The following CIITA variants were observed in gnomAD, a reference collection of about 807,000 sequenced individuals.
CIITA encodes class II major histocompatibility complex transactivator.
Under a neutral mutation model 115.1 loss-of-function variants are expected in CIITA, and 72 were observed. That is an observed-to-expected ratio of 0.63 (90% CI 0.52 to 0.76). The LOEUF is 0.76. Ranked by LOEUF, CIITA falls within the 30% of genes least tolerant of loss-of-function variation. The pLI is 0.00. For synonymous variants in CIITA, 763 were observed against 635.6 expected, an observed-to-expected ratio of 1.20 and a Z score of -3.02; for missense variants, 1,617 against 1,463.8, an observed-to-expected ratio of 1.10 and a Z score of -1.71.
At position 10,930,191 on chromosome 16, in the gene CIITA, C is replaced by G. The variant is rs1596642229; in HGVS notation, c.*6336C>G. On this transcript the variant is annotated 3_prime_UTR_variant, in exon 20 of 20. Coordinates refer to ENST00000324288, the MANE Select transcript of CIITA (RefSeq NM_000246.4). Reference sequence around the variant, plus strand: ...CCATGCCCAACCCCTCTGCAGCCCCCTCAAGCCCTGCTCTGATTCCAAGCC... The same window carrying G: ...CCATGCCCAACCCCTCTGCAGCCCCGTCAAGCCCTGCTCTGATTCCAAGCC... 6.6e-6 allele frequency: 1 copy of G among 152,496 alleles called. No individual in the cohort carries two copies. The highest frequency in any genetic ancestry group is 1.9e-4 in the East Asian group (1 of 5,190). 9.4% of individuals were successfully genotyped at this position (152,496 alleles called of 1,614,324 possible).
Position 10,926,889 on chromosome 16 carries a change from CAG to C in CIITA, c.*3036_*3037del. 1 of 152,366 alleles carries C rather than the reference CAG, an allele frequency of 6.6e-6. No homozygotes were observed. The highest frequency in any genetic ancestry group is 3.4e-3 in the Middle Eastern group (1 of 294). 9.4% of individuals were successfully genotyped at this position (152,366 alleles called of 1,614,324 possible). On this transcript the variant is annotated 3_prime_UTR_variant, in exon 20 of 20. Coordinates refer to ENST00000324288, the MANE Select transcript of CIITA (RefSeq NM_000246.4). ...CAGTGCAAGGGAAATTCAAAGCGCTCAGAAAGTATTAGCTCAATAAGTGATGA... is the reference window on the plus strand; with the variant it reads ...CAGTGCAAGGGAAATTCAAAGCGCTCAAAGTATTAGCTCAATAAGTGATGA...
Position 10,941,775 on chromosome 16 carries a change from G to A in CIITA, n.901G>A, listed in dbSNP as rs2041105755. 2 of 1,613,714 alleles carry A rather than the reference G, an allele frequency of 1.2e-6. No individual in the cohort carries two copies. Among genetic ancestry groups the A allele is most frequent in the East Asian group, 4.5e-5 (2 of 44,880 alleles). On this transcript the variant is annotated non_coding_transcript_exon_variant, in exon 2 of 2. Coordinates refer to the CIITA transcript ENST00000573379. The surrounding 1 kb of genome is among the most constrained non-coding windows in gnomAD (Gnocchi z 6.4). Reference sequence around the variant, plus strand: ...CCGAGTCAGCATCGTAAAGGCCCGAGCCGGGGTCGGAGAGCACGCCGAGGT... The same window carrying A: ...CCGAGTCAGCATCGTAAAGGCCCGAACCGGGGTCGGAGAGCACGCCGAGGT...
Position 10,927,782 on chromosome 16 carries a change from G to C in CIITA, c.*3927G>C, listed in dbSNP as rs1287634168. The C allele has an allele frequency of 3.3e-5, 5 of 152,220 alleles. No homozygotes were observed. The highest frequency in any genetic ancestry group is 1.2e-4 in the African/African-American group (5 of 41,450). 9.4% of individuals were successfully genotyped at this position (152,220 alleles called of 1,614,324 possible). The stretch of plus-strand genomic sequence containing the variant: ...GTCACAGATCTAAGTGATACTTATA[G>C]TCACACTCCTATAAAGGAATGGACT... On this transcript the variant is annotated 3_prime_UTR_variant, in exon 20 of 20. Transcript: ENST00000324288.
rs1270907707 is a variant in CIITA, at chr16:10,920,237, ACTTTT to A, written c.3149+1717_3149+1721del. 6.6e-6 allele frequency among the ~76,000 whole-genome samples: 1 copy of A among 152,132 alleles called. No homozygotes were observed. The highest frequency in any genetic ancestry group is 2.4e-5 in the African/African-American group (1 of 41,424). Reference sequence around the variant, plus strand: ...GAAGGCGACACTTGATCTGATTTACACTTTTCTTTTTTCTTTTCTTTTCTTTTTGA... The same window carrying A: ...GAAGGCGACACTTGATCTGATTTACACTTTTTTCTTTTCTTTTCTTTTTGA... On this transcript the variant is annotated intron_variant, in intron 16 of 19. Transcript: ENST00000324288. The surrounding 1 kb of genome is among the most constrained non-coding windows in gnomAD (Gnocchi z 4.5).
At position 10,936,121 on chromosome 16, in the gene CIITA, A is replaced by T. The variant is rs148069744; in HGVS notation, c.*12266A>T. ...TCCTCCTGCCTGAGCCTTCCGAGTA[A>T]CTGGGACTATGGGCGTGTACCACAA... On this transcript the variant is annotated 3_prime_UTR_variant, in exon 20 of 20. Transcript: ENST00000324288. 0.012 allele frequency: 1,843 copies of T among 152,174 alleles called. 18 individuals are homozygous for T. Among genetic ancestry groups the T allele is most frequent in the Non-Finnish European group, 0.02 (1,358 of 68,010 alleles). The allele number at this position is 152,174 out of a possible 1,614,324, so 9.4% of individuals were successfully genotyped here. A position where few individuals can be genotyped will look rare whatever the true frequency, so the allele number is the denominator to read the frequency against.
chr16:10,889,843 A>G (rs1488386678), intron 1 of CIITA, among the ~76,000 whole-genome samples: 1 of 152,208 alleles, frequency 6.6e-6, no homozygotes, highest in Non-Finnish European at 1.5e-5. Context: ...TGATGTTCAG[A>G]GAGGTCAAGT....
Position 10,926,295 on chromosome 16 carries a change from A to C in CIITA, c.*2440A>C, listed in dbSNP as rs748212511. 6.6e-6 allele frequency: 1 copy of C among 152,278 alleles called. No homozygotes were observed. Among genetic ancestry groups the C allele is most frequent in the Non-Finnish European group, 1.5e-5 (1 of 68,060 alleles). The allele number at this position is 152,278 out of a possible 1,614,324, so 9.4% of individuals were successfully genotyped here. On this transcript the variant is annotated 3_prime_UTR_variant, in exon 20 of 20. Transcript: ENST00000324288. ...GTATCAGGTGCTGCCATCCAGGTTCAGCTTGTAAATAGCTCAGGTGTCACC... is the reference window on the plus strand; with the variant it reads ...GTATCAGGTGCTGCCATCCAGGTTCCGCTTGTAAATAGCTCAGGTGTCACC...
At chr16:10,870,635 T>C (rs2035419996) in intron 1 of CIITA, among the ~76,000 whole-genome samples, 1 of 152,222 alleles carries the variant, frequency 6.6e-6, no homozygotes, top group South Asian at 2.1e-4. Context: ...CAGCTCTGGA[T>C]CTGAAGCCAT....
Position 10,901,475 on chromosome 16 carries a change from C to A in CIITA, c.437-39C>A. 2 of 1,612,962 alleles carry A rather than the reference C, an allele frequency of 1.2e-6. No individual in the cohort carries two copies. The highest frequency in any genetic ancestry group is 1.7e-6 in the Non-Finnish European group (2 of 1,179,122). ...CTGAGCCCCTTCTGGCTTGGGACATCCTCTCCCTGGGGCAGCTGATCACAT... is the reference window on the plus strand; with the variant it reads ...CTGAGCCCCTTCTGGCTTGGGACATACTCTCCCTGGGGCAGCTGATCACAT... On this transcript the variant is annotated intron_variant, in intron 5 of 19. Transcript: ENST00000324288. This position sits in a 1 kb window ranked among gnomAD's most constrained non-coding sequence, Gnocchi z 6.8.
chr16:10,900,756 G>A (rs77683691), intron 5 of CIITA, among the ~76,000 whole-genome samples: 3,356 of 151,400 alleles, frequency 0.022, 122 homozygotes, highest in African/African-American at 0.076. Flanking sequence ...AAAAAAAAAT[G>A]TTTTCAAGAT....
In CIITA at chr16:10,901,537, G is replaced by A. The variant is rs76923280; in HGVS notation, c.460G>A (p.Asp154Asn). Reference sequence around the variant, plus strand: ...AGCCTTCCCAGAGGAGCTTCCGGCAGACCTGAAGCACTGGAAGCCAGGTGT... The same window carrying A: ...AGCCTTCCCAGAGGAGCTTCCGGCAAACCTGAAGCACTGGAAGCCAGGTGT... ...KRPFPEELPADLKHWKPAEPP... is the reference protein window; with the variant it reads ...KRPFPEELPANLKHWKPAEPP... The change falls in exon 6 of 20, where the codon GAC (aspartate) becomes AAC (asparagine). Residue 154 changes from aspartate (D) to asparagine (N), a missense_variant. Coordinates refer to ENST00000324288, the MANE Select transcript of CIITA (RefSeq NM_000246.4). The surrounding 1 kb of genome is among the most constrained non-coding windows in gnomAD (Gnocchi z 6.8). 273 of 1,614,102 alleles carry A rather than the reference G, an allele frequency of 1.7e-4. 2 individuals are homozygous for A. In the African/African-American group the frequency reaches 3.5e-3, roughly 20 times the overall value.
At chr16:10,887,683 C>A (rs1272890493) in intron 1 of CIITA, among the ~76,000 whole-genome samples, 1 of 152,014 alleles carries the variant, frequency 6.6e-6, no homozygotes, top group Admixed American at 6.6e-5. Flanking sequence ...TTTGCAGAGA[C>A]GGGGTTTCAC....
rs1394538246 is a variant in CIITA, at chr16:10,923,520, G to A, written c.*22+195G>A. Reference sequence around the variant, plus strand: ...CTGTCCTCCAGGCTTTGCGAGCTTGGTCCCTGTGGTCAGGCTTAGAGATCA... The same window carrying A: ...CTGTCCTCCAGGCTTTGCGAGCTTGATCCCTGTGGTCAGGCTTAGAGATCA... On this transcript the variant is annotated intron_variant, in intron 19 of 19. Coordinates refer to ENST00000324288, the MANE Select transcript of CIITA (RefSeq NM_000246.4). The surrounding 1 kb of genome is among the most constrained non-coding windows in gnomAD (Gnocchi z 5.2). Among the ~76,000 whole-genome samples, 2 of 152,272 alleles carry A rather than the reference G, an allele frequency of 1.3e-5. No homozygotes were observed. Among genetic ancestry groups the A allele is most frequent in the Non-Finnish European group, 2.9e-5 (2 of 68,008 alleles).
At chr16:10,889,009 G>A (rs142773759) in intron 1 of CIITA, among the ~76,000 whole-genome samples, 1 of 152,336 alleles carries the variant, frequency 6.6e-6, no homozygotes, top group African/African-American at 2.4e-5. Flanking sequence ...CATGTCATTT[G>A]GTACCTGGCA....
chr16:10,882,563 A>G (rs1450993092), intron 1 of CIITA, among the ~76,000 whole-genome samples: 2 of 151,690 alleles, frequency 1.3e-5, no homozygotes, highest in Admixed American at 6.6e-5. Flanking sequence ...ACCTTTTTTT[A>G]GGAAAAAAAT....
intron 1 of CIITA, chr16:10,866,441 AG>A (rs772570369): frequency 5.3e-6 from 3 of 566,696 alleles, no homozygotes; most frequent in Non-Finnish European, 1.0e-5. Flanking sequence ...CCTGATAGTG[AG>A]GCTCTGGCCA....
intron 1 of CIITA, among the ~76,000 whole-genome samples, chr16:10,887,687 G>A (rs776418224): frequency 5.9e-5 from 9 of 152,224 alleles, no homozygotes; most frequent in Non-Finnish European, 1.3e-4. Context: ...CAGAGACGGG[G>A]TTTCACCATG....
rs2041119825 is a variant in CIITA at position 10,942,582 on chromosome 16, C to G, written n.1708C>G. 6.6e-6 allele frequency: 1 copy of G among 152,318 alleles called. No individual in the cohort carries two copies. The highest frequency in any genetic ancestry group is 1.5e-5 in the Non-Finnish European group (1 of 68,094). The allele number at this position is 152,318 out of a possible 1,614,324, so 9.4% of individuals were successfully genotyped here. On this transcript the variant is annotated non_coding_transcript_exon_variant, in exon 2 of 2. Coordinates refer to the CIITA transcript ENST00000573379. This position sits in a 1 kb window ranked among gnomAD's most constrained non-coding sequence, Gnocchi z 5.0. ...GCTCCGGCCGCCAGGGGGCGGGTAC[C>G]GCTTCGCTCCGCCCCTCGGGGCCCT...
rs540362074 is a variant in CIITA at position 10,930,803 on chromosome 16, C to T, written c.*6948C>T. The T allele has an allele frequency of 6.6e-6, 1 of 152,410 alleles. No homozygotes were observed. Among genetic ancestry groups the T allele is most frequent in the East Asian group, 1.9e-4 (1 of 5,182 alleles). The allele number at this position is 152,410 out of a possible 1,614,324, so 9.4% of individuals were successfully genotyped here. ...TCGACCTGCCCTTCTTTGCTGAGGC[C>T]TTTCTCTGCCTCCAGAGCCTGCTTG... On this transcript the variant is annotated 3_prime_UTR_variant, in exon 20 of 20. Transcript: ENST00000324288.
Sources: allele counts gnomAD v4.1 joint callset (sites outside exome capture counted in the v4.1 genomes callset), GRCh38; gene constraint gnomAD v4.1.1; non-coding constraint Gnocchi (gnomAD v3.1); transcripts MANE v1.5; gene names NCBI Gene and HGNC (gene_info 2026-07-23, HGNC 2026-07-21).